The following TENM2 variants were observed in gnomAD, a reference collection of about 807,000 sequenced individuals.
TENM2 encodes teneurin-2.
TENM2 carries 52 observed loss-of-function variants against 245.2 expected under a neutral mutation model. That is an observed-to-expected ratio of 0.21 (90% CI 0.17 to 0.27). TENM2 has a LOEUF of 0.27. Among genes scored for constraint, TENM2 ranks in the 10% least tolerant of loss-of-function variants. The pLI, the probability that TENM2 is intolerant of heterozygous loss-of-function variation, is 1.00. For synonymous variants in TENM2, 1,363 were observed against 1,438.9 expected, an observed-to-expected ratio of 0.95 and a Z score of 1.19; for missense variants, 3,046 against 3,666.8, an observed-to-expected ratio of 0.83 and a Z score of 4.37.
At chr5:167,366,220 G>A (rs1760045094) in intron 1 of TENM2, among the ~76,000 whole-genome samples, 1 of 151,918 alleles carries the variant, frequency 6.6e-6, no homozygotes, top group East Asian at 1.9e-4. Flanking sequence ...TTTTTAAAAA[G>A]CCTAAACAAT....
intron 2 of TENM2, among the ~76,000 whole-genome samples, chr5:167,739,788 C>A (rs1761048629): frequency 6.6e-6 from 1 of 152,178 alleles, no homozygotes; most frequent in Non-Finnish European, 1.5e-5. Flanking sequence ...TGATGTTTCC[C>A]ATTCTTCCCC....
chr5:168,082,040 C>T (rs535267387), intron 7 of TENM2, among the ~76,000 whole-genome samples: 95 of 152,288 alleles, frequency 6.2e-4, no homozygotes, highest in Non-Finnish European at 1.0e-3. Context: ...CAACTTGGTT[C>T]CATTCTGCCT....
chr5:168,195,318 G>C (rs750077261), intron 15 of TENM2, 23 bp downstream of exon 17: 5 of 1,563,042 alleles, frequency 3.2e-6, no homozygotes, highest in Non-Finnish European at 4.3e-6. Context: ...GTGGGGCTCG[G>C]ACCTACTCAG....
chr5:168,228,129 G>T (rs1167866228), exon 25 of TENM2: 1 of 1,571,670 alleles, frequency 6.4e-7, no homozygotes, highest in Non-Finnish European at 8.5e-7. Context: ...AGGAAGCTCC[G>T]GGTAAGTGGT....
chr5:168,044,126 T>A (rs1788416332), intron 5 of TENM2, among the ~76,000 whole-genome samples: 1 of 152,162 alleles, frequency 6.6e-6, no homozygotes, highest in Admixed American at 6.5e-5. Context: ...TAGAAAAGGT[T>A]CAATGATGGT....
At chr5:167,810,212 C>A (rs1766530007) in intron 2 of TENM2, among the ~76,000 whole-genome samples, 2 of 152,076 alleles carry the variant, frequency 1.3e-5, no homozygotes. Flanking sequence ...CTTCTGTTTG[C>A]ATACTCTGGG....
chr5:167,759,894 G>T (rs1158017467), intron 2 of TENM2, among the ~76,000 whole-genome samples: 1 of 53,848 alleles, frequency 1.9e-5, no homozygotes, highest in Non-Finnish European at 4.6e-5. Flanking sequence ...TGTGAAATAA[G>T]GTGTGATTTT....
At chr5:167,129,004 G>C in the TENM2 span, among the ~76,000 whole-genome samples, 3 of 152,304 alleles carry the variant, frequency 2.0e-5, no homozygotes, top group African/African-American at 7.2e-5. Context: ...CTGGTCTGCT[G>C]TCCACGACCC....
chr5:167,452,200 G>A (rs907105610), intron 2 of TENM2, among the ~76,000 whole-genome samples: 25 of 152,098 alleles, frequency 1.6e-4, no homozygotes, highest in African/African-American at 5.6e-4. Flanking sequence ...GTGGGGTGAC[G>A]GACAACTTAT....
the TENM2 span, among the ~76,000 whole-genome samples, chr5:167,077,485 C>T: frequency 6.6e-6 from 1 of 152,190 alleles, no homozygotes. Flanking sequence ...CAGTCTGTTA[C>T]TCCAGATCCT....
chr5:167,033,595 A>T, the TENM2 span, among the ~76,000 whole-genome samples: 2 of 152,204 alleles, frequency 1.3e-5, no homozygotes, highest in African/African-American at 2.4e-5. Flanking sequence ...TATGAGAGCC[A>T]GCTAGTCAGT....
intron 1 of TENM2, among the ~76,000 whole-genome samples, chr5:167,347,891 G>T (rs2127831829): frequency 6.6e-6 from 1 of 152,300 alleles, no homozygotes; most frequent in East Asian, 1.9e-4. Flanking sequence ...TCATGCAGGT[G>T]ATGTCACAAG....
chr5:166,999,077 A>C, the TENM2 span, among the ~76,000 whole-genome samples: 1 of 151,556 alleles, frequency 6.6e-6, no homozygotes, highest in Middle Eastern at 3.5e-3. Context: ...TTCCATAATA[A>C]TTTTTATGTT....
the TENM2 span, among the ~76,000 whole-genome samples, chr5:167,207,699 T>C: frequency 2.6e-5 from 4 of 152,182 alleles, no homozygotes; most frequent in Admixed American, 2.6e-4. Flanking sequence ...ACAGCGTGCA[T>C]GAGAGGGCTT....
At chr5:167,355,536 T>C (rs1759255285) in intron 1 of TENM2, among the ~76,000 whole-genome samples, 1 of 152,192 alleles carries the variant, frequency 6.6e-6, no homozygotes, top group Non-Finnish European at 1.5e-5. Context: ...TAACCCCTTG[T>C]GACACAGGAA....
At chr5:167,369,075 G>A (rs773210590) in intron 1 of TENM2, among the ~76,000 whole-genome samples, 2 of 151,916 alleles carry the variant, frequency 1.3e-5, no homozygotes, top group African/African-American at 2.4e-5. Context: ...CTGTACTTGG[G>A]GCTTGTTTTG....
At chr5:167,392,087 A>G (rs1048928433) in intron 2 of TENM2, among the ~76,000 whole-genome samples, 1 of 152,082 alleles carries the variant, frequency 6.6e-6, no homozygotes. Flanking sequence ...GGCTTTTATC[A>G]TCTCTCAACC....
At chr5:167,700,561 T>C (rs998412735) in intron 2 of TENM2, among the ~76,000 whole-genome samples, 2 of 152,200 alleles carry the variant, frequency 1.3e-5, no homozygotes, top group African/African-American at 4.8e-5. Context: ...GAGCTGGGAT[T>C]GGAACCCAGA....
At chr5:167,267,186 C>T in the TENM2 span, among the ~76,000 whole-genome samples, 1 of 152,116 alleles carries the variant, frequency 6.6e-6, no homozygotes, top group South Asian at 2.1e-4. Context: ...GTTTGCACTT[C>T]CATTTGTTCT....
Sources: gnomAD v4.1 joint callset for allele counts (sites outside exome capture counted in the v4.1 genomes callset) on GRCh38, gnomAD v4.1.1 for gene constraint, MANE v1.5 for transcripts, NCBI Gene and HGNC (gene_info 2026-07-23, HGNC 2026-07-21) for gene names.